ZFAND3: variants seen among roughly 807,000 people sequenced by gnomAD.
ZFAND3 encodes the protein zinc finger AN1-type containing 3, also known as AN1-type zinc finger protein 3.
In ZFAND3, 10 loss-of-function variants were observed where a neutral mutation model predicts 29.6. The observed-to-expected ratio is 0.34, with a 90% CI of 0.21 to 0.57. The LOEUF (loss-of-function observed/expected upper bound fraction) is 0.57, where lower values mean the gene tolerates loss of function less well. Ranked by LOEUF, ZFAND3 falls within the 20% of genes least tolerant of loss-of-function variation. ZFAND3 has a pLI of 0.86. For synonymous variants in ZFAND3, 128 were observed against 112.6 expected (o/e 1.14, Z -0.87); for missense variants, 230 against 304.5 (o/e 0.76, Z 1.82).
intron 2 of ZFAND3, among the ~76,000 whole-genome samples, chr6:38,048,085 G>A (rs1374469893): frequency 1.3e-5 from 2 of 151,390 alleles, no homozygotes; most frequent in Non-Finnish European, 2.9e-5. Context: ...GCTCATTGCA[G>A]CCTCACCCTC....
intron 2 of ZFAND3, among the ~76,000 whole-genome samples, chr6:37,958,787 C>T (rs937256279): frequency 6.9e-6 from 1 of 145,766 alleles, no homozygotes; most frequent in Non-Finnish European, 1.5e-5. Flanking sequence ...GTTTACATTG[C>T]TTGTATTTTA....
intron 2 of ZFAND3, among the ~76,000 whole-genome samples, chr6:38,045,969 A>G (rs1367735944): frequency 5.9e-5 from 9 of 152,250 alleles, no homozygotes; most frequent in Admixed American, 5.9e-4. Context: ...AGTAGCGAAC[A>G]GTGTTCTCAG....
chr6:38,010,307 G>T (rs1280328433), intron 2 of ZFAND3, among the ~76,000 whole-genome samples: 2 of 152,184 alleles, frequency 1.3e-5, no homozygotes, highest in African/African-American at 4.8e-5. Flanking sequence ...TGGGGAGAAG[G>T]TGTGAACCAT....
chr6:37,978,901 T>C (rs933867156), intron 2 of ZFAND3, among the ~76,000 whole-genome samples: 35 of 152,104 alleles, frequency 2.3e-4, no homozygotes, highest in African/African-American at 8.4e-4. Flanking sequence ...ATGCTTTTAA[T>C]ATGCATAAAA....
intron 2 of ZFAND3, among the ~76,000 whole-genome samples, chr6:37,978,380 G>A (rs1417991567): frequency 6.6e-6 from 1 of 152,086 alleles, no homozygotes; most frequent in Non-Finnish European, 1.5e-5. Flanking sequence ...CATGGATGTT[G>A]GTCTGTAGTT....
intron 1 of ZFAND3, among the ~76,000 whole-genome samples, chr6:37,900,418 G>T (rs1215762719): frequency 6.6e-6 from 1 of 152,120 alleles, no homozygotes; most frequent in Non-Finnish European, 1.5e-5. Flanking sequence ...CTTACAAATG[G>T]TGTTTGAGCA....
chr6:38,035,306 TATC>T (rs1240515788), intron 2 of ZFAND3, among the ~76,000 whole-genome samples: 1 of 152,210 alleles, frequency 6.6e-6, no homozygotes, highest in African/African-American at 2.4e-5. Flanking sequence ...CAAAATATAT[TATC>T]ATAGCCAAGG....
At position 38,065,344 on chromosome 6, in the gene ZFAND3, A is replaced by G. The variant is rs372386494; in HGVS notation, c.295+3569A>G. Among the ~76,000 whole-genome samples the G allele has an allele frequency of 2.6e-5, 4 of 152,004 alleles. No homozygotes were observed. In the East Asian group the frequency reaches 7.8e-4, roughly 29 times the overall value. On this transcript the variant is annotated intron_variant, in intron 3 of 5. Coordinates refer to ENST00000287218, the MANE Select transcript of ZFAND3 (RefSeq NM_021943.3). ...AAAAAAAAAGAAAGAAAAGAAAAGC[A>G]GTGAGGATAAACCTGTGAGTGAAAC...
intron 2 of ZFAND3, among the ~76,000 whole-genome samples, chr6:38,059,105 G>C (rs920490539): frequency 6.6e-6 from 1 of 151,954 alleles, no homozygotes; most frequent in Non-Finnish European, 1.5e-5. Context: ...AATATATAGA[G>C]AATAAAGACA....
intron 1 of ZFAND3, among the ~76,000 whole-genome samples, chr6:37,874,306 G>A (rs111265369): frequency 5.3e-5 from 8 of 152,132 alleles, no homozygotes; most frequent in South Asian, 2.1e-4. Flanking sequence ...ACCTGAGGTC[G>A]GGAGTTCGAG....
chr6:38,011,692 A>G (rs1343398287), intron 2 of ZFAND3, among the ~76,000 whole-genome samples: 2 of 152,136 alleles, frequency 1.3e-5, no homozygotes, highest in African/African-American at 4.8e-5. Flanking sequence ...TCAGAACATT[A>G]TTTGATTCTC....
chr6:37,921,664 A>T (rs374452270), intron 1 of ZFAND3, among the ~76,000 whole-genome samples: 4 of 152,240 alleles, frequency 2.6e-5, no homozygotes, highest in African/African-American at 7.2e-5. Context: ...TGTCATTAAA[A>T]CATTGATATC....
intron 2 of ZFAND3, among the ~76,000 whole-genome samples, chr6:37,958,874 A>G (rs1762148364): frequency 1.3e-5 from 2 of 152,306 alleles, no homozygotes; most frequent in South Asian, 4.1e-4. Context: ...TTATTTTCCA[A>G]ACTTTAAGAT....
chr6:37,983,361 T>TTTTTTTTTTTTTG (rs1762612187), intron 2 of ZFAND3, among the ~76,000 whole-genome samples: 1 of 136,552 alleles, frequency 7.3e-6, no homozygotes, highest in Non-Finnish European at 1.6e-5. Context: ...TTTTTTTTTT[T>TTTTTTTTTTTTTG]TTTTTTTTTT....
At chr6:38,058,085 T>G (rs1187362933) in intron 2 of ZFAND3, among the ~76,000 whole-genome samples, 1 of 152,170 alleles carries the variant, frequency 6.6e-6, no homozygotes, top group African/African-American at 2.4e-5. Flanking sequence ...TACCTGAGCA[T>G]CAAAGTAGCA....
chr6:38,130,557 C>T (rs909556789), intron 5 of ZFAND3, among the ~76,000 whole-genome samples: 3 of 152,162 alleles, frequency 2.0e-5, no homozygotes, highest in Non-Finnish European at 4.4e-5. Flanking sequence ...TTTTCTGCAT[C>T]TACTGAGATG....
chr6:38,045,355 G>A (rs932050397), intron 2 of ZFAND3, among the ~76,000 whole-genome samples: 1 of 152,008 alleles, frequency 6.6e-6, no homozygotes, highest in Non-Finnish European at 1.5e-5. Flanking sequence ...TTCCAAAGTA[G>A]TGGGATTGCA....
intron 2 of ZFAND3, among the ~76,000 whole-genome samples, chr6:38,051,990 T>A (rs1404797594): frequency 6.6e-6 from 1 of 152,234 alleles, no homozygotes. Flanking sequence ...AAATAATTTT[T>A]TTTGCTAGTT....
At chr6:37,951,068 G>A (rs938599141) in intron 2 of ZFAND3, among the ~76,000 whole-genome samples, 1 of 152,050 alleles carries the variant, frequency 6.6e-6, no homozygotes, top group African/African-American at 2.4e-5. Flanking sequence ...AATTCTTGTT[G>A]TAGAGATCTT....
Sources: gnomAD v4.1 joint callset for allele counts (sites outside exome capture counted in the v4.1 genomes callset) on GRCh38, gnomAD v4.1.1 for gene constraint, MANE v1.5 for transcripts, NCBI Gene and HGNC (gene_info 2026-07-23, HGNC 2026-07-21) for gene names.